Variants in PRKN observed in about 807,000 individuals in gnomAD.
The protein encoded by PRKN is parkin RBR E3 ubiquitin protein ligase, also known as E3 ubiquitin-protein ligase parkin.
Under a neutral mutation model 59.5 loss-of-function variants are expected in PRKN, and 56 were observed. The ratio of observed to expected loss-of-function variants is 0.94; its 90% CI spans 0.76 to 1.18. The LOEUF (loss-of-function observed/expected upper bound fraction) is 1.18. PRKN is among the 50% of genes most tolerant of loss of function. The probability of loss-of-function intolerance (pLI) is 0.00; values close to 1 mark genes in which losing one functional copy is unlikely to be tolerated. For missense variants in PRKN, 657 were observed against 596.4 expected (o/e 1.10, Z -1.06); for synonymous variants, 250 against 222.1 (o/e 1.13, Z -1.12).
chr6:162,327,886 TCTGAGAGAATCA>T (rs1280685784), intron 2 of PRKN, among the ~76,000 whole-genome samples: 3 of 152,108 alleles, frequency 2.0e-5, no homozygotes, highest in Non-Finnish European at 4.4e-5. Flanking sequence ...TGGAGCTCTG[TCTGAGAGAATCA>T]CCAGAGTCTT....
chr6:161,601,841 C>CA (rs1782118763), intron 7 of PRKN, among the ~76,000 whole-genome samples: 1 of 152,140 alleles, frequency 6.6e-6, no homozygotes, highest in South Asian at 2.1e-4. Flanking sequence ...CTCGGCCTCC[C>CA]AAAGTGCTGG....
intron 2 of PRKN, among the ~76,000 whole-genome samples, chr6:162,420,500 C>T (rs1270284618): frequency 4.6e-5 from 7 of 152,140 alleles, no homozygotes; most frequent in Non-Finnish European, 1.0e-4. Flanking sequence ...TGCATCCAGC[C>T]AGCAGAGTCA....
intron 2 of PRKN, among the ~76,000 whole-genome samples, chr6:162,279,299 T>C (rs1027580085): frequency 6.7e-6 from 1 of 148,948 alleles, no homozygotes; most frequent in Non-Finnish European, 1.5e-5. Flanking sequence ...CATTGCACCA[T>C]TGCACTCCAT....
intron 2 of PRKN, among the ~76,000 whole-genome samples, chr6:162,291,411 G>C (rs936319284): frequency 3.3e-5 from 5 of 151,784 alleles, no homozygotes; most frequent in Non-Finnish European, 7.4e-5. Context: ...TGGGTGGGAT[G>C]GGGGGGAAGG....
chr6:161,540,597 C>T (rs967555375), intron 9 of PRKN, among the ~76,000 whole-genome samples: 5 of 152,090 alleles, frequency 3.3e-5, no homozygotes, highest in African/African-American at 1.2e-4. Context: ...GTATCACTTG[C>T]TCATTGTGAC....
chr6:162,254,189 G>A (rs1779550281), intron 3 of PRKN, among the ~76,000 whole-genome samples: 1 of 152,080 alleles, frequency 6.6e-6, no homozygotes, highest in South Asian at 2.1e-4. Flanking sequence ...GCTGGGCATG[G>A]CGGCTCACAT....
Position 161,558,003 on chromosome 6 carries a change from T to C in PRKN, c.934-9000A>G, listed in dbSNP as rs150823527. Among the ~76,000 whole-genome samples, 53 of 152,270 alleles carry C rather than the reference T, an allele frequency of 3.5e-4. No homozygotes were observed. In the Middle Eastern group the frequency reaches 0.01, roughly 29 times the overall value. On this transcript the variant is annotated intron_variant, in intron 8 of 11. Coordinates refer to ENST00000366898, the MANE Select transcript of PRKN (RefSeq NM_004562.3). Reference sequence around the variant, plus strand: ...CCTGGGCTTCTCCCTCAATCCCTCCTAGAGCAGAGGGGTCGTGATCAGGCT... The same window carrying C: ...CCTGGGCTTCTCCCTCAATCCCTCCCAGAGCAGAGGGGTCGTGATCAGGCT...
intron 2 of PRKN, among the ~76,000 whole-genome samples, chr6:162,389,898 GT>G (rs1787072791): frequency 6.6e-6 from 1 of 152,174 alleles, no homozygotes; most frequent in African/African-American, 2.4e-5. Flanking sequence ...TTATTGCAGA[GT>G]TTCTCTGCAC....
intron 2 of PRKN, among the ~76,000 whole-genome samples, chr6:162,354,679 T>C (rs922474520): frequency 2.6e-5 from 4 of 152,038 alleles, no homozygotes; most frequent in Non-Finnish European, 4.4e-5. Context: ...TTAACAGATA[T>C]ATATATTTTC....
chr6:162,145,716 C>T (rs1463168308), intron 4 of PRKN, among the ~76,000 whole-genome samples: 1 of 152,136 alleles, frequency 6.6e-6, no homozygotes, highest in Non-Finnish European at 1.5e-5. Context: ...GTGGACATCT[C>T]ATGTAAATAC....
At chr6:162,217,669 G>C (rs1777742866) in intron 3 of PRKN, among the ~76,000 whole-genome samples, 1 of 152,082 alleles carries the variant, frequency 6.6e-6, no homozygotes, top group South Asian at 2.1e-4. Context: ...TAGGATTACA[G>C]GCATGAGCCA....
chr6:162,571,979 A>G (rs531521730), intron 1 of PRKN, among the ~76,000 whole-genome samples: 8 of 152,258 alleles, frequency 5.3e-5, no homozygotes, highest in Non-Finnish European at 8.8e-5. Flanking sequence ...GCTTAGACAA[A>G]TTTGGAAAAA....
chr6:161,904,087 G>A lies in PRKN; in HGVS notation c.734+69215C>T, dbSNP rs189572210. 1.1e-3 allele frequency among the ~76,000 whole-genome samples: 172 copies of A among 152,154 alleles called. 1 individual carries two copies. Among genetic ancestry groups the A allele is most frequent in the African/African-American group, 3.9e-3 (163 of 41,506 alleles). On this transcript the variant is annotated intron_variant, in intron 6 of 11. Coordinates refer to ENST00000366898, the MANE Select transcript of PRKN (RefSeq NM_004562.3). ...ACAACATGGTCCCTTCCCACAGTGA[G>A]CCTGGGGCTGCTAGGAAACTGCCCT...
chr6:161,524,859 T>C (rs1268057729), intron 9 of PRKN, among the ~76,000 whole-genome samples: 1 of 152,172 alleles, frequency 6.6e-6, no homozygotes, highest in Non-Finnish European at 1.5e-5. Context: ...TCTGCTTTCC[T>C]TCCCAATGAG....
intron 1 of PRKN, among the ~76,000 whole-genome samples, chr6:162,609,497 T>C (rs1782052443): frequency 6.6e-6 from 1 of 152,238 alleles, no homozygotes. Context: ...TTTACTCCTA[T>C]AGTTATGATT....
At chr6:162,008,332 G>A (rs1009363982) in intron 5 of PRKN, among the ~76,000 whole-genome samples, 7 of 152,036 alleles carry the variant, frequency 4.6e-5, no homozygotes, top group South Asian at 2.1e-4. Context: ...TTCGTGCCCC[G>A]GGGGCCCCAG....
intron 7 of PRKN, among the ~76,000 whole-genome samples, chr6:161,699,983 G>T (rs1230111889): frequency 1.3e-5 from 2 of 151,988 alleles, no homozygotes; most frequent in African/African-American, 2.4e-5. Context: ...GGCCTGCAGG[G>T]TCTGCAGTCA....
Position 161,891,711 on chromosome 6 carries a change from C to T in PRKN, c.734+81591G>A, listed in dbSNP as rs142238015. On this transcript the variant is annotated intron_variant, in intron 6 of 11. Coordinates refer to ENST00000366898, the MANE Select transcript of PRKN (RefSeq NM_004562.3). ...ATATCTACAGGGGGTAAGACAAATA[C>T]ATCTTCATTCTGACATCATCTAGGT... Among the ~76,000 whole-genome samples, 21 of 152,288 alleles carry T rather than the reference C, an allele frequency of 1.4e-4. No homozygotes were observed. In the East Asian group the frequency reaches 2.7e-3, roughly 20 times the overall value.
At chr6:161,519,865 C>G (rs1262113357) in intron 9 of PRKN, among the ~76,000 whole-genome samples, 1 of 149,970 alleles carries the variant, frequency 6.7e-6, no homozygotes, top group Non-Finnish European at 1.5e-5. Context: ...ACACCCAGGA[C>G]CAGAAGAAGA....
Sources: gnomAD v4.1 joint callset for allele counts (sites outside exome capture counted in the v4.1 genomes callset) on GRCh38, gnomAD v4.1.1 for gene constraint, MANE v1.5 for transcripts, NCBI Gene and HGNC (gene_info 2026-07-23, HGNC 2026-07-21) for gene names.